The following SRPK2 variants were observed in gnomAD, a reference collection of about 807,000 sequenced individuals.
SRPK2 encodes SRSF protein kinase 2.
A neutral mutation model predicts 90.8 loss-of-function variants in SRPK2; 21 were observed. The observed-to-expected ratio is 0.23, with a 90% CI of 0.16 to 0.33. The LOEUF (loss-of-function observed/expected upper bound fraction) is 0.33, where lower values mean the gene tolerates loss of function less well. Among genes scored for constraint, SRPK2 ranks in the 10% least tolerant of loss-of-function variants. The probability of loss-of-function intolerance (pLI) is 1.00; values close to 1 mark genes in which losing one functional copy is unlikely to be tolerated. For synonymous variants in SRPK2, 288 were observed against 311.1 expected, an observed-to-expected ratio of 0.93 and a Z score of 0.78; for missense variants, 620 against 869.0, an observed-to-expected ratio of 0.71 and a Z score of 3.60.
At chr7:105,153,622 A>AT (rs1806072410) in intron 7 of SRPK2, among the ~76,000 whole-genome samples, 1 of 152,182 alleles carries the variant, frequency 6.6e-6, no homozygotes, top group African/African-American at 2.4e-5. Flanking sequence ...AAAAAGAAAT[A>AT]GAATGAGAGC....
chr7:105,307,131 C>A (rs2131338424), intron 2 of SRPK2, among the ~76,000 whole-genome samples: 1 of 152,202 alleles, frequency 6.6e-6, no homozygotes, highest in East Asian at 1.9e-4. Context: ...TGAAGGGAGA[C>A]TTAATTATGA....
intron 3 of SRPK2, among the ~76,000 whole-genome samples, chr7:105,176,593 G>GTGTGTGTGTGTATGTATGTATATA (rs1430238155): frequency 2.1e-5 from 2 of 94,176 alleles, no homozygotes; most frequent in African/African-American, 1.0e-4. Flanking sequence ...GTATATATGT[G>GTGTGTGTGTGTATGTATGTATATA]TGTGTGTGTG....
rs188340846 is a variant in SRPK2 at position 105,211,569 on chromosome 7, G to C, written c.72-7784C>G. Among the ~76,000 whole-genome samples, 257 of 152,014 alleles carry C rather than the reference G, an allele frequency of 1.7e-3. 1 individual carries two copies. Among genetic ancestry groups the C allele is most frequent in the African/African-American group, 5.1e-3 (210 of 41,438 alleles). ...AGCAGTAACAGGAGTGAGAGTGAGG[G>C]GGGAGGTGCTACACACTTTTAGAAC... is the stretch of plus-strand genomic sequence containing the variant. On this transcript the variant is annotated intron_variant, in intron 2 of 15. Coordinates refer to ENST00000393651, the MANE Select transcript of SRPK2 (RefSeq NM_182692.3).
intron 2 of SRPK2, among the ~76,000 whole-genome samples, chr7:105,243,184 G>A (rs1801049899): frequency 1.3e-5 from 2 of 151,980 alleles, no homozygotes; most frequent in South Asian, 2.1e-4. Flanking sequence ...TTATTATCTG[G>A]GTAGATAAGG....
intron 2 of SRPK2, among the ~76,000 whole-genome samples, chr7:105,204,447 G>A (rs1293022882): frequency 6.6e-6 from 1 of 152,190 alleles, no homozygotes; most frequent in Non-Finnish European, 1.5e-5. Flanking sequence ...GGCTCTATGA[G>A]GAGAATGGTT....
intron 2 of SRPK2, among the ~76,000 whole-genome samples, chr7:105,245,679 T>TA (rs1444738549): frequency 6.6e-6 from 1 of 152,044 alleles, no homozygotes. Context: ...AATGAGGAGA[T>TA]AAAGTAACTC....
intron 3 of SRPK2, among the ~76,000 whole-genome samples, chr7:105,194,597 A>G (rs117416662): frequency 0.015 from 2,252 of 152,350 alleles, 23 homozygotes; most frequent in Non-Finnish European, 0.024. Flanking sequence ...TCTGAGAACA[A>G]TAAAGACCTA....
At chr7:105,181,087 C>T (rs1792724172) in intron 3 of SRPK2, among the ~76,000 whole-genome samples, 1 of 152,016 alleles carries the variant, frequency 6.6e-6, no homozygotes, top group Admixed American at 6.6e-5. Context: ...CAAAAGAAGA[C>T]GTACATGCGG....
intron 3 of SRPK2, among the ~76,000 whole-genome samples, chr7:105,192,592 T>C (rs1794438438): frequency 6.6e-6 from 1 of 152,222 alleles, no homozygotes. Context: ...TCAATGGTAG[T>C]TCTACTTTTA....
At chr7:105,262,750 A>C (rs1804477374) in intron 2 of SRPK2, among the ~76,000 whole-genome samples, 1 of 152,112 alleles carries the variant, frequency 6.6e-6, no homozygotes, top group Non-Finnish European at 1.5e-5. Flanking sequence ...TTCTACTTCT[A>C]ATCCTCCTCA....
At chr7:105,180,297 AC>A (rs1257892903) in intron 3 of SRPK2, among the ~76,000 whole-genome samples, 1 of 152,200 alleles carries the variant, frequency 6.6e-6, no homozygotes, top group African/African-American at 2.4e-5. Flanking sequence ...CTGATCTTTG[AC>A]AAAGCTGACA....
rs1203571846 is a variant in SRPK2, at chr7:105,225,569, G to C, written c.72-21784C>G. 2.6e-5 allele frequency among the ~76,000 whole-genome samples: 4 copies of C among 152,262 alleles called. No individual in the cohort carries two copies. The East Asian group carries it at 7.7e-4, about 29-fold the overall frequency. Reference sequence around the variant, plus strand: ...GACACATATCCTATATTTTTAGTCAGATCATCCAAAACCTTCTAAATTTGG... The same window carrying C: ...GACACATATCCTATATTTTTAGTCACATCATCCAAAACCTTCTAAATTTGG... On this transcript the variant is annotated intron_variant, in intron 2 of 15. Coordinates refer to ENST00000393651, the MANE Select transcript of SRPK2 (RefSeq NM_182692.3).
At chr7:105,202,172 G>C (rs1416001347) in intron 3 of SRPK2, among the ~76,000 whole-genome samples, 3 of 152,152 alleles carry the variant, frequency 2.0e-5, no homozygotes, top group Non-Finnish European at 2.9e-5. Context: ...AATCAGGTTA[G>C]AGTAGATTAG....
At chr7:105,158,368 C>A (rs1806854074) in intron 7 of SRPK2, among the ~76,000 whole-genome samples, 1 of 152,084 alleles carries the variant, frequency 6.6e-6, no homozygotes, top group South Asian at 2.1e-4. Flanking sequence ...AATTCTCCTG[C>A]CTCAGCTGGC....
chr7:105,147,484 AT>A (rs1363242824), intron 7 of SRPK2, among the ~76,000 whole-genome samples: 3 of 151,428 alleles, frequency 2.0e-5, no homozygotes, highest in South Asian at 2.1e-4. Flanking sequence ...CGCCTGGCTA[AT>A]TTTTTTTGTA....
chr7:105,337,481 A>AT (rs1013129270), intron 2 of SRPK2, among the ~76,000 whole-genome samples: 1 of 151,682 alleles, frequency 6.6e-6, no homozygotes, highest in African/African-American at 2.4e-5. Flanking sequence ...AGCCCAGCTA[A>AT]TTTTTTTATT....
At chr7:105,207,473 G>A (rs889291873) in intron 2 of SRPK2, among the ~76,000 whole-genome samples, 32 of 152,160 alleles carry the variant, frequency 2.1e-4, no homozygotes, top group Non-Finnish European at 3.5e-4. Context: ...AATGAAAGCC[G>A]TAAGGAAGCT....
At chr7:105,302,946 C>T (rs963877294) in intron 2 of SRPK2, among the ~76,000 whole-genome samples, 8 of 150,850 alleles carry the variant, frequency 5.3e-5, no homozygotes, top group African/African-American at 4.9e-5. Context: ...TGGTGGCGGG[C>T]GCCTGTAGTC....
At chr7:105,161,389 A>G (rs1585002398) in intron 6 of SRPK2, among the ~76,000 whole-genome samples, 1 of 152,196 alleles carries the variant, frequency 6.6e-6, no homozygotes, top group East Asian at 1.9e-4. Context: ...ATGGGGAACC[A>G]GCAGATAAAA....
Sources: allele counts gnomAD v4.1 joint callset (sites outside exome capture counted in the v4.1 genomes callset), GRCh38; gene constraint gnomAD v4.1.1; transcripts MANE v1.5; gene names NCBI Gene and HGNC (gene_info 2026-07-23, HGNC 2026-07-21).